Variants in PRDM4 observed in about 807,000 individuals in gnomAD.
The protein encoded by PRDM4 is PR domain zinc finger protein 4.
A neutral mutation model predicts 62.3 loss-of-function variants in PRDM4; 38 were observed. The observed-to-expected ratio is 0.61, with a 90% CI of 0.47 to 0.80. The LOEUF is 0.80. PRDM4 is among the 30% of genes least tolerant of loss of function. PRDM4 has a pLI of 0.00. For synonymous variants in PRDM4, 339 were observed against 348.2 expected, an observed-to-expected ratio of 0.97 and a Z score of 0.30; for missense variants, 858 against 997.1, an observed-to-expected ratio of 0.86 and a Z score of 1.88.
rs1566089966 is a variant in PRDM4 at position 107,734,181 on chromosome 12, T to C, written c.*29A>G. 1 of 1,556,576 alleles carries C rather than the reference T, an allele frequency of 6.4e-7. No homozygotes were observed. On this transcript the variant is annotated 3_prime_UTR_variant, in exon 12 of 12. Transcript: ENST00000228437. ...TATGTGTATTTTTCCATTTGCATTT[T>C]CATCCAAAATTGCTTGTTTCTTTTC...
At chr12:107,740,495 A>AT (rs371705389) in intron 10 of PRDM4, among the ~76,000 whole-genome samples, 13 of 150,718 alleles carry the variant, frequency 8.6e-5, no homozygotes, top group South Asian at 6.3e-4. Context: ...TCAAAAAAAA[A>AT]TTTTTTTTTT....
chr12:107,739,169 A>G, intron 11 of PRDM4: 1 of 486,060 alleles, frequency 2.1e-6, no homozygotes, highest in Non-Finnish European at 3.6e-6. Flanking sequence ...AAAAGTAAGA[A>G]AAAGAAAGCC....
intron 8 of PRDM4, 52 bp downstream of exon 8, chr12:107,743,145 T>C (rs189407530): frequency 7.3e-5 from 103 of 1,407,144 alleles, no homozygotes; most frequent in Non-Finnish European, 9.7e-5. Context: ...AAGCTTCCTA[T>C]TGAAAAACAT....
chr12:107,748,292 T>C (rs951620126), intron 5 of PRDM4, among the ~76,000 whole-genome samples: 2 of 152,198 alleles, frequency 1.3e-5, no homozygotes, highest in Non-Finnish European at 2.9e-5. Flanking sequence ...CACAGCCACT[T>C]TGGAAAGCAG....
intron 2 of PRDM4, among the ~76,000 whole-genome samples, 178 bp from the exon 3 acceptor site, chr12:107,757,143 A>G (rs1861677): frequency 0.18 from 28,121 of 152,162 alleles, 3,644 homozygotes; most frequent in East Asian, 0.52. Context: ...TACTGATAAG[A>G]AAACTGAGAT....
At position 107,761,078 on chromosome 12, in the gene PRDM4, C is replaced by G. The variant is rs1326616566; in HGVS notation, c.-378G>C. The G allele has an allele frequency of 6.6e-6, 1 of 151,814 alleles. No individual in the cohort carries two copies. Among genetic ancestry groups the G allele is most frequent in the East Asian group, 1.9e-4 (1 of 5,168 alleles). The allele number at this position is 151,814 out of a possible 1,614,324, so 9.4% of individuals were successfully genotyped here. ...CTCACCCCGGGGGCCGCTGCCCTAA[C>G]GTTTCCCGTCCCGCCCGGCCCTTCC... On this transcript the variant is annotated 5_prime_UTR_variant, in exon 1 of 12. Transcript: ENST00000228437.
intron 8 of PRDM4, 41 bp downstream of exon 8, chr12:107,743,156 C>G: frequency 6.8e-7 from 1 of 1,470,458 alleles, no homozygotes; most frequent in African/African-American, 1.4e-5. Flanking sequence ...TGAAAAACAT[C>G]TAAATGGTAA....
At chr12:107,739,976 C>T (rs1303040599) in intron 10 of PRDM4, among the ~76,000 whole-genome samples, 1 of 151,752 alleles carries the variant, frequency 6.6e-6, no homozygotes, top group Admixed American at 6.6e-5. Context: ...AATATTGCCT[C>T]AAAACCAGGG....
In PRDM4 at chr12:107,734,232, TC is replaced by T; in HGVS notation, c.2383del (p.Glu795SerfsTer26). On this transcript the variant is annotated frameshift_variant, in exon 12 of 12. Coordinates refer to ENST00000228437, the MANE Select transcript of PRDM4 (RefSeq NM_012406.4). LOFTEE classifies it high-confidence loss of function. ...CTTTTATTTATGTGCAGAAAGAGAC[TC>T]ATCCGCTGAATACACAGCACTGTTA... ...RINSAVYSAD[E>X]SLSAHK 6.2e-7 allele frequency: 1 copy of T among 1,601,518 alleles called. No homozygotes were observed. The highest frequency in any genetic ancestry group is 8.5e-7 in the Non-Finnish European group (1 of 1,174,448).
At chr12:107,735,830 G>A (rs1212884841) in intron 11 of PRDM4, among the ~76,000 whole-genome samples, 2 of 151,550 alleles carry the variant, frequency 1.3e-5, no homozygotes, top group African/African-American at 2.4e-5. Flanking sequence ...GTTAAAGCAG[G>A]TTATTAATAA....
rs1565832284 is a variant in PRDM4, at chr12:107,751,840, G to A, written c.701C>T (p.Pro234Leu). ...QIPNGSRSHEPLSVDSVSNNL... is the reference protein window; with the variant it reads ...QIPNGSRSHELLSVDSVSNNL... ...GTTGCTCACAGAATCCACAGACAGA[G>A]GTTCATGACTTCTGGAGCCATTTGG... The change falls in exon 5 of 12, where the codon CCT becomes CTT. Residue 234 changes from proline to leucine, a missense_variant. Around this residue, in one of 3 missense-constraint regions of PRDM4, gnomAD observed 499 missense variants for 546.7 expected, o/e 0.91. Coordinates refer to ENST00000228437, the MANE Select transcript of PRDM4 (RefSeq NM_012406.4). 6.2e-7 allele frequency: 1 copy of A among 1,614,206 alleles called. No individual in the cohort carries two copies. The highest frequency in any genetic ancestry group is 8.5e-7 in the Non-Finnish European group (1 of 1,180,038).
intron 5 of PRDM4, among the ~76,000 whole-genome samples, chr12:107,749,951 C>T (rs1890837580): frequency 6.6e-6 from 1 of 152,144 alleles, no homozygotes; most frequent in Admixed American, 6.5e-5. Context: ...TTACAGGTGC[C>T]AGCTCCTGTC....
chr12:107,752,635 G>A (rs566502797), intron 4 of PRDM4, among the ~76,000 whole-genome samples: 9 of 151,974 alleles, frequency 5.9e-5, no homozygotes, highest in African/African-American at 2.2e-4. Flanking sequence ...TTTAATACAA[G>A]TCACAATTGT....
chr12:107,754,414 G>T (rs1891000247), intron 3 of PRDM4, among the ~76,000 whole-genome samples: 1 of 152,118 alleles, frequency 6.6e-6, no homozygotes, highest in Admixed American at 6.6e-5. Context: ...ACGGAGTCTT[G>T]CTTTGTTGCC....
chr12:107,736,535 T>C (rs34265083), intron 11 of PRDM4: 44,622 of 152,082 alleles, frequency 0.29, 8,239 homozygotes, highest in Middle Eastern at 0.42. Context: ...AAGGGAGAGG[T>C]AGCCAAGTAC....
At chr12:107,750,868 A>T (rs533367886) in intron 5 of PRDM4, among the ~76,000 whole-genome samples, 3 of 152,288 alleles carry the variant, frequency 2.0e-5, no homozygotes, top group South Asian at 2.1e-4. Flanking sequence ...TACCTTTTTT[A>T]AAAAAATATT....
intron 3 of PRDM4, among the ~76,000 whole-genome samples, chr12:107,755,809 GCGCGGTGGCT>G (rs1891046366): frequency 6.6e-6 from 1 of 152,200 alleles, no homozygotes; most frequent in Admixed American, 6.5e-5. Flanking sequence ...GTGACGGCTG[GCGCGGTGGCT>G]CACACCTAAA....
rs1437861591 is a variant in PRDM4, at chr12:107,740,945, C to T, written c.1924+1G>A. 3 of 1,611,882 alleles carry T rather than the reference C, an allele frequency of 1.9e-6. No individual in the cohort carries two copies. The highest frequency in any genetic ancestry group is 2.5e-6 in the Non-Finnish European group (3 of 1,178,496). ...CATTCTGATGGGCCAACACAACTTA[C>T]CTGTATGTATCTTGAGGTGGGTCCG... On this transcript the variant is annotated splice_donor_variant, in intron 10 of 11. Transcript: ENST00000228437. LOFTEE classifies it high-confidence loss of function.
At chr12:107,738,546 C>G (rs906191389) in intron 11 of PRDM4, 1 of 152,202 alleles carries the variant, frequency 6.6e-6, no homozygotes, top group Non-Finnish European at 1.5e-5. Flanking sequence ...TCTTCCTCTT[C>G]TGACACTTGT....
Sources: gnomAD v4.1 joint callset for allele counts (sites outside exome capture counted in the v4.1 genomes callset) on GRCh38, gnomAD v4.1.1 for gene constraint, gnomAD v4.1.1 regional missense constraint, MANE v1.5 for transcripts, NCBI Gene and HGNC (gene_info 2026-07-23, HGNC 2026-07-21) for gene names.